The following CACHD1 variants were observed in gnomAD, a reference collection of about 807,000 sequenced individuals.
CACHD1 encodes the protein VWFA and cache domain-containing protein 1.
In CACHD1, 71 loss-of-function variants were observed where a neutral mutation model predicts 138.7. That is an observed-to-expected ratio of 0.51 (90% CI 0.42 to 0.62). The LOEUF (loss-of-function observed/expected upper bound fraction) is 0.62. CACHD1 is among the 20% of genes least tolerant of loss of function. The pLI is 0.00. For missense variants in CACHD1, 1,389 were observed against 1,625.3 expected (o/e 0.85, Z 2.50); for synonymous variants, 578 against 591.5 (o/e 0.98, Z 0.33).
Position 64,505,770 on chromosome 1 carries a change from C to T in CACHD1, c.198+34828C>T, listed in dbSNP as rs553374282. On this transcript the variant is annotated intron_variant, in intron 1 of 26. Transcript: ENST00000651257. ...CCGCCTTCCGGGCGCCCTCCTTCCC[C>T]GGTCTGCCTTCTCCCTGACCCTCCT... The T allele has an allele frequency of 2.2e-4, 32 of 144,974 alleles. 1 individual carries two copies. In the South Asian group the frequency reaches 6.6e-3, roughly 30 times the overall value. The allele number at this position is 144,974 out of a possible 1,614,324, so 9.0% of individuals were successfully genotyped here.
chr1:64,539,944 T>C (rs151218755), intron 1 of CACHD1, among the ~76,000 whole-genome samples: 1 of 152,348 alleles, frequency 6.6e-6, no homozygotes, highest in African/African-American at 2.4e-5. Context: ...CACTGTTCAC[T>C]GTTGCTTTTT....
intron 25 of CACHD1, 92 bp from the exon 26 acceptor site, chr1:64,681,913 A>G: frequency 9.4e-7 from 1 of 1,063,244 alleles, no homozygotes; most frequent in South Asian, 1.3e-5. Context: ...GAATTCTCCC[A>G]GCATGTAAAT....
Position 64,673,176 on chromosome 1 carries a change from CAG to C in CACHD1, c.2530_2531del (p.Arg844GlyfsTer33), listed in dbSNP as rs1557550751. 6 of 1,613,106 alleles carry C rather than the reference CAG, an allele frequency of 3.7e-6. No homozygotes were observed. Among genetic ancestry groups the C allele is most frequent in the Admixed American group, 1.7e-5 (1 of 59,948 alleles). Reference sequence around the variant, plus strand: ...GGTACAGGTGCTTCATAATGGAGGACAGGGGTTATCTGGTGGCGCACCCGACT... The same window carrying C: ...GGTACAGGTGCTTCATAATGGAGGACGGGTTATCTGGTGGCGCACCCGACT... ...NKIRCFIMED[R>X]GYLVAHPTLI... On this transcript the variant is annotated frameshift_variant, in exon 18 of 27. Coordinates refer to ENST00000651257, the MANE Select transcript of CACHD1 (RefSeq NM_020925.4). LOFTEE classifies it high-confidence loss of function.
Position 64,647,982 on chromosome 1 carries a change from G to T in CACHD1, c.1338G>T (p.Arg446=). The T allele has an allele frequency of 6.2e-7, 1 of 1,614,010 alleles. No individual in the cohort carries two copies. ...GGTTCTACACAAACCTTCCCAACCG[G>T]ATGATTGATGAAGCCGTCTTCAGCC... ...VGRFYTNLPN[R]MIDEAVFSLP... Residue 446 remains arginine, a synonymous_variant, in exon 9 of 27, where the codon CGG becomes CGT. Transcript: ENST00000651257.
chr1:64,496,426 G>T (rs1056834737), intron 1 of CACHD1, among the ~76,000 whole-genome samples: 5 of 151,828 alleles, frequency 3.3e-5, no homozygotes, highest in East Asian at 3.9e-4. Context: ...TATGATGAAG[G>T]CTTGAGCTAA....
intron 2 of CACHD1, chr1:64,563,527 T>TA (rs1183257644): frequency 5.3e-5 from 8 of 152,214 alleles, no homozygotes; most frequent in Admixed American, 2.0e-4. Flanking sequence ...CAGAACAACT[T>TA]ACATGTGGCC....
Position 64,590,268 on chromosome 1 carries a change from G to T in CACHD1, c.410+7964G>T, listed in dbSNP as rs1570396261. 2.1e-5 allele frequency among the ~76,000 whole-genome samples: 3 copies of T among 145,466 alleles called. No homozygotes were observed. In the Admixed American group the frequency reaches 2.1e-4, roughly 10 times the overall value. ...ACCTGGGAGGCAGAGCTTGCAGTGA[G>T]CCAAGATCGGCGCCACGGCACTCCA... On this transcript the variant is annotated intron_variant, in intron 3 of 26. Transcript: ENST00000651257.
At position 64,491,483 on chromosome 1, in the gene CACHD1, G is replaced by T. The variant is rs1307538426; in HGVS notation, c.198+20541G>T. On this transcript the variant is annotated intron_variant, in intron 1 of 26. Coordinates refer to ENST00000651257, the MANE Select transcript of CACHD1 (RefSeq NM_020925.4). ...GGCAGGAGAGAGAAAGAAGAGCAAGGGGGGAAGTGCCACACTTTTATACCA... is the reference window on the plus strand; with the variant it reads ...GGCAGGAGAGAGAAAGAAGAGCAAGTGGGGAAGTGCCACACTTTTATACCA... 3.9e-5 allele frequency among the ~76,000 whole-genome samples: 6 copies of T among 152,196 alleles called. No homozygotes were observed. In the East Asian group the frequency reaches 1.2e-3, roughly 29 times the overall value.
At position 64,582,102 on chromosome 1, in the gene CACHD1, C is replaced by T. The variant is rs923821668; in HGVS notation, c.262-54C>T. 3.8e-6 allele frequency: 6 copies of T among 1,578,402 alleles called. No homozygotes were observed. In the Admixed American group the frequency reaches 1.1e-4, roughly 28 times the overall value. On this transcript the variant is annotated intron_variant, in intron 2 of 26. Transcript: ENST00000651257. ...ATTACTAGTTTATTAGAAAAAAATA[C>T]AATGAGTTATTGTCTTGGACTTTCG...
At chr1:64,561,159 T>G (rs541285257) in intron 2 of CACHD1, among the ~76,000 whole-genome samples, 145 of 151,546 alleles carry the variant, frequency 9.6e-4, no homozygotes, top group African/African-American at 1.8e-3. Context: ...ATATTTTGGG[T>G]TTTTTTTCTG....
chr1:64,591,079 A>G (rs546105564), intron 3 of CACHD1, among the ~76,000 whole-genome samples: 1 of 152,298 alleles, frequency 6.6e-6, no homozygotes, highest in South Asian at 2.1e-4. Context: ...AACTTTTCCT[A>G]CTGCTCAAAT....
chr1:64,631,120 A>AT (rs982994943), intron 5 of CACHD1, among the ~76,000 whole-genome samples: 1 of 152,216 alleles, frequency 6.6e-6, no homozygotes, highest in Non-Finnish European at 1.5e-5. Context: ...TAACATCACT[A>AT]TTTATATATC....
chr1:64,512,908 A>G (rs1467458793), intron 1 of CACHD1, among the ~76,000 whole-genome samples: 2 of 152,172 alleles, frequency 1.3e-5, no homozygotes, highest in African/African-American at 4.8e-5. Context: ...ATATTAGTGG[A>G]TGTTAATCTC....
intron 3 of CACHD1, among the ~76,000 whole-genome samples, chr1:64,589,358 A>C (rs1647078695): frequency 6.6e-6 from 1 of 152,180 alleles, no homozygotes; most frequent in Non-Finnish European, 1.5e-5. Flanking sequence ...CAGACAAAGC[A>C]ATTAGCATTA....
rs1367623480 is a variant in CACHD1, at chr1:64,625,112, GAC to G, written c.518-4242_518-4241del. 3.9e-5 allele frequency among the ~76,000 whole-genome samples: 6 copies of G among 152,328 alleles called. No individual in the cohort carries two copies. The South Asian group carries it at 1.2e-3, about 32-fold the overall frequency. On this transcript the variant is annotated intron_variant, in intron 4 of 26. Coordinates refer to ENST00000651257, the MANE Select transcript of CACHD1 (RefSeq NM_020925.4). ...CAGAAGTTGGTCGATCACTGTACCA[GAC>G]TGAAGGAAAGTTTCTATACAGAGAT...
At chr1:64,484,081 G>C (rs1207933218) in intron 1 of CACHD1, among the ~76,000 whole-genome samples, 5 of 152,068 alleles carry the variant, frequency 3.3e-5, no homozygotes, top group Admixed American at 2.6e-4. Flanking sequence ...GGTAAGCACT[G>C]TATTGTTCAA....
At position 64,679,856 on chromosome 1, in the gene CACHD1, C is replaced by T; in HGVS notation, c.3406+100C>T. 8 of 1,319,164 alleles carry T rather than the reference C, an allele frequency of 6.1e-6. No homozygotes were observed. In the South Asian group the frequency reaches 1.0e-4, roughly 17 times the overall value. 81.7% of individuals were successfully genotyped at this position (1,319,164 alleles called of 1,614,324 possible). A position where few individuals can be genotyped will look rare whatever the true frequency, so the allele number is the denominator to read the frequency against. ...AAGGAACTGTCAGAACAGTGCTATA[C>T]TTTCAGCTTCTGTGGAGTCATTTTG... On this transcript the variant is annotated intron_variant, in intron 24 of 26. Coordinates refer to ENST00000651257, the MANE Select transcript of CACHD1 (RefSeq NM_020925.4).
At chr1:64,587,556 G>A (rs1025141738) in intron 3 of CACHD1, among the ~76,000 whole-genome samples, 2 of 152,132 alleles carry the variant, frequency 1.3e-5, no homozygotes, top group Admixed American at 6.5e-5. Flanking sequence ...TGCACAAGAC[G>A]CTGCCTAGTG....
At chr1:64,580,671 G>C (rs962522181) in intron 2 of CACHD1, among the ~76,000 whole-genome samples, 1 of 152,156 alleles carries the variant, frequency 6.6e-6, no homozygotes, top group Admixed American at 6.6e-5. Flanking sequence ...GAGGTTTCAA[G>C]GTTTCTCATC....
Sources: allele counts gnomAD v4.1 joint callset (sites outside exome capture counted in the v4.1 genomes callset), GRCh38; gene constraint gnomAD v4.1.1; transcripts MANE v1.5; gene names NCBI Gene and HGNC (gene_info 2026-07-23, HGNC 2026-07-21).